SLC2A9: variants seen among roughly 807,000 people sequenced by gnomAD.
The protein encoded by SLC2A9 is solute carrier family 2, facilitated glucose transporter member 9.
SLC2A9 carries 39 observed loss-of-function variants against 50.6 expected under a neutral mutation model. The observed-to-expected ratio is 0.77, with a 90% CI of 0.60 to 1.01. The LOEUF (loss-of-function observed/expected upper bound fraction) is 1.01. Ranked by LOEUF, SLC2A9 falls within the 50% of genes least tolerant of loss-of-function variation. SLC2A9 has a pLI of 0.00. For missense variants in SLC2A9, 686 were observed against 677.6 expected, an observed-to-expected ratio of 1.01 and a Z score of -0.14; for synonymous variants, 324 against 276.9, an observed-to-expected ratio of 1.17 and a Z score of -1.69.
intron 11 of SLC2A9, among the ~76,000 whole-genome samples, chr4:9,831,521 G>C (rs182033713): frequency 6.6e-6 from 1 of 152,180 alleles, no homozygotes; most frequent in Non-Finnish European, 1.5e-5. Context: ...AACATGGGAA[G>C]GGCATCCCTT....
Position 10,019,064 on chromosome 4 carries a change from A to G in SLC2A9, c.160T>C (p.Cys54Arg). The G allele has an allele frequency of 1.9e-6, 3 of 1,551,272 alleles. No individual in the cohort carries two copies. Among genetic ancestry groups the G allele is most frequent in the Non-Finnish European group, 2.6e-6 (3 of 1,146,972 alleles). The change falls in exon 2 of 12, where the codon TGC becomes CGC. Residue 54 changes from cysteine to arginine, a missense_variant. By Grantham distance (180) the Cys-to-Arg change is radical. Coordinates refer to ENST00000264784, the MANE Select transcript of SLC2A9 (RefSeq NM_020041.3). ...PGGRRRKDWS[C>R]SLLVASLAGA... ...GCGAGGGAGGCCACGAGGAGCGAGC[A>G]GGACCAGTCCTGAGGGGAGAGGAAA...
In SLC2A9 at chr4:9,956,373, G is replaced by A. The variant is rs1000919459; in HGVS notation, c.682-14328C>T. On this transcript the variant is annotated intron_variant, in intron 5 of 11. Transcript: ENST00000264784. ...TGGTAGCCTGTAGCCCCAGCTACTCGGGAGGCTGAGGCAGGAGAATGGCGT... is the reference window on the plus strand; with the variant it reads ...TGGTAGCCTGTAGCCCCAGCTACTCAGGAGGCTGAGGCAGGAGAATGGCGT... Among the ~76,000 whole-genome samples, 5 of 151,904 alleles carry A rather than the reference G, an allele frequency of 3.3e-5. No individual in the cohort carries two copies. In the South Asian group the frequency reaches 8.3e-4, roughly 25 times the overall value.
chr4:9,902,242 T>C (rs560358495), intron 8 of SLC2A9, among the ~76,000 whole-genome samples: 1 of 152,320 alleles, frequency 6.6e-6, no homozygotes, highest in South Asian at 2.1e-4. Flanking sequence ...TGTGGGGTAC[T>C]CCCTTGTTAC....
chr4:9,844,449 A>G (rs1343794839), intron 10 of SLC2A9, among the ~76,000 whole-genome samples: 1 of 152,242 alleles, frequency 6.6e-6, no homozygotes, highest in African/African-American at 2.4e-5. Context: ...CTTCATTAGT[A>G]ATGCCATTAT....
chr4:10,015,485 T>A (rs1762468285), intron 2 of SLC2A9, among the ~76,000 whole-genome samples: 1 of 152,204 alleles, frequency 6.6e-6, no homozygotes, highest in Non-Finnish European at 1.5e-5. Flanking sequence ...ACCTGAATTG[T>A]GTCCCCTCCA....
chr4:9,854,839 T>A (rs1730487728), intron 10 of SLC2A9, among the ~76,000 whole-genome samples: 1 of 152,168 alleles, frequency 6.6e-6, no homozygotes, highest in African/African-American at 2.4e-5. Flanking sequence ...ACTCATCACA[T>A]AAACAAAAGT....
intron 5 of SLC2A9, among the ~76,000 whole-genome samples, chr4:9,973,946 T>G (rs1020785086): frequency 6.6e-6 from 1 of 151,552 alleles, no homozygotes; most frequent in African/African-American, 2.4e-5. Context: ...GCAAACCGAA[T>G]CCAGTAGTAT....
Position 9,887,563 on chromosome 4 carries a change from T to C in SLC2A9, c.1291+4A>G. On this transcript the variant is annotated splice_donor_region_variant and intron_variant, in intron 10 of 11. Coordinates refer to ENST00000264784, the MANE Select transcript of SLC2A9 (RefSeq NM_020041.3). ...GGGGCAGTGGGGAGGGTGGGGTGCC[T>C]TACCTGGCCCACTGCAGAAAGAGGC... is the stretch of plus-strand genomic sequence containing the variant. 3 of 1,558,188 alleles carry C rather than the reference T, an allele frequency of 1.9e-6. No homozygotes were observed. The highest frequency in any genetic ancestry group is 2.6e-6 in the Non-Finnish European group (3 of 1,151,952).
At chr4:10,008,679 G>T (rs1234951601) in intron 2 of SLC2A9, among the ~76,000 whole-genome samples, 2 of 152,162 alleles carry the variant, frequency 1.3e-5, no homozygotes, top group South Asian at 2.1e-4. Context: ...ATTAAAAGCG[G>T]CCTCTGGATG....
intron 10 of SLC2A9, among the ~76,000 whole-genome samples, chr4:9,869,211 G>T (rs143661944): frequency 6.6e-6 from 1 of 152,082 alleles, no homozygotes; most frequent in African/African-American, 2.4e-5. Flanking sequence ...TGGATGGAAC[G>T]GGGGAGTGGT....
intron 5 of SLC2A9, among the ~76,000 whole-genome samples, chr4:9,948,643 T>C (rs1308276287): frequency 6.6e-6 from 1 of 152,240 alleles, no homozygotes; most frequent in Non-Finnish European, 1.5e-5. Flanking sequence ...CATAAAGTTC[T>C]GTTCCCCCAC....
chr4:10,008,876 T>C (rs1761249738), intron 2 of SLC2A9, among the ~76,000 whole-genome samples: 8 of 151,464 alleles, frequency 5.3e-5, no homozygotes, highest in Admixed American at 5.3e-4. Flanking sequence ...ATGTGTAGCT[T>C]CATTATCAAA....
chr4:9,876,289 T>C (rs1734308586), intron 10 of SLC2A9, among the ~76,000 whole-genome samples: 1 of 152,184 alleles, frequency 6.6e-6, no homozygotes, highest in Admixed American at 6.5e-5. Flanking sequence ...GGGCTATAAA[T>C]AGTCCATTCA....
intron 5 of SLC2A9, among the ~76,000 whole-genome samples, chr4:9,943,297 G>A (rs753650720): frequency 1.3e-5 from 2 of 152,202 alleles, no homozygotes; most frequent in African/African-American, 4.8e-5. Context: ...CATCTAAGGG[G>A]TGCCTTAGAT....
chr4:9,993,280 G>A (rs774715299), intron 3 of SLC2A9, among the ~76,000 whole-genome samples: 1 of 152,204 alleles, frequency 6.6e-6, no homozygotes, highest in Admixed American at 6.5e-5. Context: ...CCAATGATAT[G>A]TGTAAGAAGA....
chr4:9,869,295 G>A (rs575906552), intron 10 of SLC2A9, among the ~76,000 whole-genome samples: 2 of 152,250 alleles, frequency 1.3e-5, no homozygotes, highest in African/African-American at 4.8e-5. Flanking sequence ...TGCAAACCTG[G>A]TCAGTCCATG....
intron 5 of SLC2A9, among the ~76,000 whole-genome samples, chr4:9,948,110 T>C (rs565816865): frequency 2.8e-4 from 42 of 152,234 alleles, no homozygotes; most frequent in Admixed American, 1.8e-3. Context: ...CTTATTTCTT[T>C]CTAAACACCA....
chr4:10,010,863 T>A (rs1280799797), intron 2 of SLC2A9, among the ~76,000 whole-genome samples: 6 of 152,274 alleles, frequency 3.9e-5, no homozygotes, highest in African/African-American at 1.4e-4. Flanking sequence ...TTCAACACAT[T>A]CATTATCTCA....
At chr4:9,789,924 G>A (rs1247766623) in intron 3 of SLC2A9, among the ~76,000 whole-genome samples, 3 of 152,174 alleles carry the variant, frequency 2.0e-5, no homozygotes, top group Non-Finnish European at 4.4e-5. Context: ...CACCAACACT[G>A]ACAGAATAAA....
Sources: gnomAD v4.1 joint callset for allele counts (sites outside exome capture counted in the v4.1 genomes callset) on GRCh38, gnomAD v4.1.1 for gene constraint, MANE v1.5 for transcripts, NCBI Gene and HGNC (gene_info 2026-07-23, HGNC 2026-07-21) for gene names.